ANKS3: variants seen among roughly 807,000 people sequenced by gnomAD.
ANKS3 encodes ankyrin repeat and SAM domain-containing protein 3.
Under a neutral mutation model 80.7 loss-of-function variants are expected in ANKS3, and 62 were observed. The observed-to-expected ratio is 0.77, with a 90% CI of 0.63 to 0.95. The LOEUF (loss-of-function observed/expected upper bound fraction) is 0.95. Ranked by LOEUF, ANKS3 falls within the 40% of genes least tolerant of loss-of-function variation. The pLI is 0.00. For synonymous variants in ANKS3, 489 were observed against 355.3 expected, an observed-to-expected ratio of 1.38 and a Z score of -4.23; for missense variants, 1,150 against 883.6, an observed-to-expected ratio of 1.30 and a Z score of -3.82.
chr16:4,714,284 T>A (rs1422949265), intron 6 of ANKS3, 98 bp from the exon 7 acceptor site: 1 of 1,503,118 alleles, frequency 6.7e-7, no homozygotes. Flanking sequence ...TATGCTGGTT[T>A]CTGACTGCCT....
intron 11 of ANKS3, chr16:4,700,544 G>A: frequency 2.9e-6 from 1 of 342,468 alleles, no homozygotes; most frequent in South Asian, 2.3e-5. Context: ...TCACACCTCT[G>A]ATCCCTAAGG....
At chr16:4,701,606 C>T (rs1388990022) in intron 9 of ANKS3, 63 bp from the exon 10 acceptor site, 3 of 1,463,346 alleles carry the variant, frequency 2.1e-6, no homozygotes, top group Non-Finnish European at 2.8e-6. Flanking sequence ...CATGGGCGTG[C>T]CCCGGGCTGA....
At chr16:4,724,399 T>TG (rs770483279) in intron 6 of ANKS3, among the ~76,000 whole-genome samples, 173 of 152,336 alleles carry the variant, frequency 1.1e-3, no homozygotes, top group Non-Finnish European at 2.6e-4. Flanking sequence ...TCAAACCAAG[T>TG]GGGCATCAGG....
Position 4,701,903 on chromosome 16 carries a change from C to T in ANKS3, c.1009+199G>A, listed in dbSNP as rs1012924353. 9.2e-6 allele frequency: 6 copies of T among 650,148 alleles called. No individual in the cohort carries two copies. The Admixed American group carries it at 1.7e-4, about 18-fold the overall frequency. 40.3% of individuals were successfully genotyped at this position (650,148 alleles called of 1,614,324 possible). On this transcript the variant is annotated intron_variant, in intron 9 of 17. Transcript: ENST00000304283. ...CTAAACCTGTTGCTGTGGAACGGCT[C>T]CCTTAAGCCGCACGGGGATGCTGGA...
chr16:4,702,722 C>T (rs1357923212), intron 8 of ANKS3, among the ~76,000 whole-genome samples: 1 of 152,072 alleles, frequency 6.6e-6, no homozygotes, highest in Non-Finnish European at 1.5e-5. Context: ...AGGAAAAAGG[C>T]CTTGAGGTAA....
intron 1 of ANKS3, among the ~76,000 whole-genome samples, chr16:4,732,692 A>AAC (rs1427182884): frequency 7.3e-5 from 11 of 151,210 alleles, no homozygotes; most frequent in East Asian, 1.9e-4. Context: ...AAAAAAAACA[A>AAC]AAAAAAAACA....
chr16:4,706,466 A>T (rs1408988429), intron 7 of ANKS3, among the ~76,000 whole-genome samples: 26 of 152,078 alleles, frequency 1.7e-4, no homozygotes, highest in Admixed American at 1.7e-3. Flanking sequence ...CGATCTCCTG[A>T]CCTTGTGATC....
rs115874935 is a variant in ANKS3, at chr16:4,715,054, A to G, written c.574-868T>C. ...AGCATATTCACAATAATGAAAACCT[A>G]CCTAGAGAAAACTTGAATGCTCAGG... On this transcript the variant is annotated intron_variant, in intron 6 of 17. Transcript: ENST00000304283. Among the ~76,000 whole-genome samples the G allele has an allele frequency of 5.1e-3, 772 of 151,280 alleles. 5 individuals carry two copies. Among genetic ancestry groups the G allele is most frequent in the African/African-American group, 0.011 (474 of 41,276 alleles).
rs189258846 is a variant in ANKS3 at position 4,698,830 on chromosome 16, C to T, written c.1521G>A (p.Glu507=). 4.2e-5 allele frequency: 67 copies of T among 1,607,662 alleles called. No homozygotes were observed. The East Asian group carries it at 1.3e-3, about 30-fold the overall frequency. ...GCAGCTGGATGGCGAGCTCCTGCAT[C>T]TCAGCCTCCAGCCGGTCGGCGTAGG... The part of the protein sequence containing the change: ...ELAYADRLEA[E]MQELAIQLHK... Residue 507 remains glutamate (E), a synonymous_variant, in exon 13 of 18, where the codon GAG becomes GAA. Transcript: ENST00000304283.
intron 11 of ANKS3, chr16:4,699,933 C>A (rs1476539791): frequency 6.6e-6 from 1 of 152,380 alleles, no homozygotes; most frequent in East Asian, 1.9e-4. Flanking sequence ...GTTACTCTGA[C>A]ATTTTCTTCA....
At chr16:4,726,525 C>G in intron 5 of ANKS3, 134 bp downstream of exon 5, 2 of 886,294 alleles carry the variant, frequency 2.3e-6, no homozygotes, top group East Asian at 5.0e-5. Flanking sequence ...GACTCTGGTC[C>G]TACCCCTCAT....
At chr16:4,704,366 CTG>C (rs930362932) in intron 8 of ANKS3, among the ~76,000 whole-genome samples, 1 of 152,214 alleles carries the variant, frequency 6.6e-6, no homozygotes, top group African/African-American at 2.4e-5. Flanking sequence ...GCCACCAGGC[CTG>C]TGAGACCAGC....
At chr16:4,699,690 TG>T (rs1181884615) in intron 11 of ANKS3, 1 of 166,642 alleles carries the variant, frequency 6.0e-6, no homozygotes, top group Non-Finnish European at 1.3e-5. Flanking sequence ...TGCCACTGTA[TG>T]GGGTGGTGTC....
intron 12 of ANKS3, 42 bp downstream of exon 12, chr16:4,699,010 C>T (rs750497675): frequency 1.2e-6 from 2 of 1,614,074 alleles, no homozygotes; most frequent in South Asian, 2.2e-5. Context: ...GGAGTTTGCC[C>T]CAACCCCGGG....
chr16:4,698,270 G>T, intron 14 of ANKS3, 157 bp downstream of exon 14: 1 of 1,215,566 alleles, frequency 8.2e-7, no homozygotes, highest in Non-Finnish European at 1.1e-6. Flanking sequence ...GGGTCTGCCT[G>T]CAGGAAGGAA....
chr16:4,696,888 C>G lies in ANKS3; in HGVS notation c.*20G>C. ...GCTTCAGGGTGGACCAATCACCCAA[C>G]GTCAGATTCTGAAAGAAAAAGCCCC... On this transcript the variant is annotated 3_prime_UTR_variant, in exon 18 of 18. Transcript: ENST00000304283. The G allele has an allele frequency of 7.2e-6, 6 of 837,464 alleles. No homozygotes were observed. The highest frequency in any genetic ancestry group is 1.1e-5 in the Non-Finnish European group (6 of 523,446). 51.9% of individuals were successfully genotyped at this position (837,464 alleles called of 1,614,324 possible). A position where few individuals can be genotyped will look rare whatever the true frequency, so the allele number is the denominator to read the frequency against.
intron 7 of ANKS3, among the ~76,000 whole-genome samples, chr16:4,705,454 G>A (rs903915144): frequency 1.3e-5 from 2 of 152,198 alleles, no homozygotes; most frequent in African/African-American, 4.8e-5. Flanking sequence ...CAAAGTTAGT[G>A]AGGATGGGAA....
chr16:4,729,847 G>A (rs2081532179), intron 3 of ANKS3, 133 bp downstream of exon 3: 1 of 906,492 alleles, frequency 1.1e-6, no homozygotes, highest in African/African-American at 1.7e-5. Flanking sequence ...ACTGACAGCT[G>A]CCTGAGATAA....
chr16:4,723,687 T>C (rs1211423731), intron 6 of ANKS3, among the ~76,000 whole-genome samples: 1 of 152,236 alleles, frequency 6.6e-6, no homozygotes, highest in Non-Finnish European at 1.5e-5. Context: ...ATATATTTTG[T>C]TTATCAATTC....
Sources: gnomAD v4.1 joint callset for allele counts (sites outside exome capture counted in the v4.1 genomes callset) on GRCh38, gnomAD v4.1.1 for gene constraint, MANE v1.5 for transcripts, NCBI Gene and HGNC (gene_info 2026-07-23, HGNC 2026-07-21) for gene names.